NUDT3: variants seen among roughly 807,000 people sequenced by gnomAD.
NUDT3 encodes diphosphoinositol polyphosphate phosphohydrolase 1.
A neutral mutation model predicts 23.6 loss-of-function variants in NUDT3; 9 were observed. The observed-to-expected ratio is 0.38, with a 90% CI of 0.23 to 0.66. NUDT3 has a LOEUF of 0.66. Ranked by LOEUF, NUDT3 falls within the 30% of genes least tolerant of loss-of-function variation. The pLI, the probability that NUDT3 is intolerant of heterozygous loss-of-function variation, is 0.52. For missense variants in NUDT3, 172 were observed against 218.5 expected, an observed-to-expected ratio of 0.79 and a Z score of 1.34; for synonymous variants, 86 against 82.6, an observed-to-expected ratio of 1.04 and a Z score of -0.22.
intron 2 of NUDT3, among the ~76,000 whole-genome samples, chr6:34,319,378 C>T (rs1581862824): frequency 1.3e-5 from 2 of 152,292 alleles, no homozygotes; most frequent in Admixed American, 6.5e-5. Flanking sequence ...TCCATGACCC[C>T]CTATTTGGGC....
intron 1 of NUDT3, among the ~76,000 whole-genome samples, chr6:34,366,510 A>AGGGT: frequency 1.6e-5 from 1 of 64,070 alleles, no homozygotes; most frequent in South Asian, 6.8e-4. Flanking sequence ...GGAGGGAGGG[A>AGGGT]GGGAGAGAAG....
chr6:34,352,007 C>T (rs1764486706), intron 1 of NUDT3, among the ~76,000 whole-genome samples: 1 of 151,476 alleles, frequency 6.6e-6, no homozygotes, highest in Non-Finnish European at 1.5e-5. Context: ...CCCACATGGG[C>T]AACATGGCGA....
chr6:34,293,180 A>G (rs1763449279), intron 4 of NUDT3, among the ~76,000 whole-genome samples: 1 of 152,304 alleles, frequency 6.6e-6, no homozygotes, highest in East Asian at 1.9e-4. Context: ...TTCCTGCTTC[A>G]GCCTCCTGAG....
chr6:34,345,238 C>T (rs1343379327), intron 1 of NUDT3, among the ~76,000 whole-genome samples: 3 of 150,930 alleles, frequency 2.0e-5, no homozygotes, highest in East Asian at 4.1e-4. Context: ...TTAGTAGAGA[C>T]GGGGTTTCAC....
At chr6:34,326,300 A>T (rs1024015823) in intron 2 of NUDT3, among the ~76,000 whole-genome samples, 2 of 152,244 alleles carry the variant, frequency 1.3e-5, no homozygotes, top group African/African-American at 4.8e-5. Flanking sequence ...TTTATTTAAC[A>T]GTAAAATATT....
chr6:34,349,473 A>G (rs181541013), intron 1 of NUDT3, among the ~76,000 whole-genome samples: 48 of 150,796 alleles, frequency 3.2e-4, no homozygotes, highest in Non-Finnish European at 6.2e-4. Context: ...TCCTCTGAAC[A>G]TATGAATTTG....
intron 4 of NUDT3, among the ~76,000 whole-genome samples, chr6:34,290,395 C>T (rs1449238428): frequency 1.4e-5 from 2 of 144,522 alleles, no homozygotes; most frequent in Non-Finnish European, 3.0e-5. Flanking sequence ...ACACCTGCTG[C>T]TGCTTCTTTT....
chr6:34,374,731 G>C (rs887342466), intron 1 of NUDT3, among the ~76,000 whole-genome samples: 1 of 152,108 alleles, frequency 6.6e-6, no homozygotes, highest in Non-Finnish European at 1.5e-5. Flanking sequence ...TTCTTGGCTA[G>C]TGTGATTCCT....
chr6:34,354,437 T>A (rs1216888993), intron 1 of NUDT3, among the ~76,000 whole-genome samples: 11 of 113,336 alleles, frequency 9.7e-5, no homozygotes, highest in East Asian at 4.7e-4. Context: ...ACATACACAC[T>A]CTTGGCCGGG....
intron 1 of NUDT3, among the ~76,000 whole-genome samples, chr6:34,375,268 G>T (rs531968928): frequency 1.3e-5 from 2 of 152,026 alleles, no homozygotes; most frequent in Non-Finnish European, 2.9e-5. Context: ...TGCTTGAAAC[G>T]GGGAGGCAGA....
At chr6:34,352,835 A>G (rs903482661) in intron 1 of NUDT3, among the ~76,000 whole-genome samples, 1 of 152,216 alleles carries the variant, frequency 6.6e-6, no homozygotes, top group African/African-American at 2.4e-5. Flanking sequence ...CATAAATGCA[A>G]TGAAAAAATT....
At chr6:34,376,096 T>A (rs565800425) in intron 1 of NUDT3, among the ~76,000 whole-genome samples, 6 of 152,182 alleles carry the variant, frequency 3.9e-5, no homozygotes, top group Non-Finnish European at 7.3e-5. Flanking sequence ...CCAACTATCA[T>A]CAGTTGAATT....
intron 2 of NUDT3, among the ~76,000 whole-genome samples, chr6:34,321,204 G>A (rs764121774): frequency 2.0e-4 from 30 of 152,186 alleles, no homozygotes; most frequent in African/African-American, 2.6e-4. Flanking sequence ...CTGGGAGGCC[G>A]AGGCAGGTGG....
chr6:34,309,211 T>A (rs968102041), intron 2 of NUDT3, among the ~76,000 whole-genome samples: 4 of 148,404 alleles, frequency 2.7e-5, no homozygotes, highest in Non-Finnish European at 6.0e-5. Flanking sequence ...TGAAACCCTA[T>A]CTCAAAAAAA....
At chr6:34,332,341 G>A (rs1482920114) in intron 2 of NUDT3, among the ~76,000 whole-genome samples, 1 of 152,176 alleles carries the variant, frequency 6.6e-6, no homozygotes, top group African/African-American at 2.4e-5. Flanking sequence ...TTAGGTGGAA[G>A]TGGAGCCCAG....
chr6:34,356,402 G>C (rs1168446012), intron 1 of NUDT3, among the ~76,000 whole-genome samples: 2 of 151,690 alleles, frequency 1.3e-5, no homozygotes, highest in East Asian at 3.9e-4. Context: ...TTCCTGATAC[G>C]GCTGATTCCA....
At chr6:34,392,223 G>A in intron 1 of NUDT3, 41 bp downstream of exon 1, 1 of 1,506,808 alleles carries the variant, frequency 6.6e-7, no homozygotes, top group Non-Finnish European at 8.9e-7. Context: ...CGAAGGGGCC[G>A]GAGACCCGGC....
intron 2 of NUDT3, among the ~76,000 whole-genome samples, chr6:34,302,607 C>T (rs1467369175): frequency 6.6e-6 from 1 of 152,024 alleles, no homozygotes. Flanking sequence ...TGGCGTGTGC[C>T]TGTAGTCCCA....
At chr6:34,362,468 G>T (rs1003498321) in intron 1 of NUDT3, among the ~76,000 whole-genome samples, 1 of 152,060 alleles carries the variant, frequency 6.6e-6, no homozygotes, top group Non-Finnish European at 1.5e-5. Flanking sequence ...GAGCTAGTGG[G>T]CTAGCTCATG....
Sources: allele counts gnomAD v4.1 joint callset (sites outside exome capture counted in the v4.1 genomes callset), GRCh38; gene constraint gnomAD v4.1.1; transcripts MANE v1.5; gene names NCBI Gene and HGNC (gene_info 2026-07-23, HGNC 2026-07-21).